The following AFF1 variants were observed in gnomAD, a reference collection of about 807,000 sequenced individuals.
The protein encoded by AFF1 is AF4/FMR2 family member 1.
In AFF1, 48 loss-of-function variants were observed where a neutral mutation model predicts 121.7. The observed-to-expected ratio is 0.39, with a 90% CI of 0.31 to 0.50. The LOEUF is 0.50. Among genes scored for constraint, AFF1 ranks in the 20% least tolerant of loss-of-function variants. The pLI is 0.76. For missense variants in AFF1, 1,523 were observed against 1,511.7 expected (o/e 1.01, Z -0.12); for synonymous variants, 613 against 563.0 (o/e 1.09, Z -1.26).
intron 2 of AFF1, among the ~76,000 whole-genome samples, chr4:86,999,240 T>C (rs1285454765): frequency 6.6e-6 from 1 of 152,224 alleles, no homozygotes; most frequent in Admixed American, 6.5e-5. Context: ...GTTAGCCAAG[T>C]CCCTCCTGAT....
At chr4:87,018,528 T>A (rs543265243) in intron 2 of AFF1, among the ~76,000 whole-genome samples, 3 of 152,158 alleles carry the variant, frequency 2.0e-5, no homozygotes, top group African/African-American at 4.8e-5. Flanking sequence ...AAGGATGGCT[T>A]TTTTTGAGAC....
chr4:86,981,264 A>G (rs1452146378), intron 2 of AFF1, among the ~76,000 whole-genome samples: 1 of 152,142 alleles, frequency 6.6e-6, no homozygotes, highest in East Asian at 1.9e-4. Flanking sequence ...TGCCTGCCTC[A>G]GCCTCCCAAA....
rs374056339 is a variant in AFF1 at position 87,083,199 on chromosome 4, C to T, written c.1060-921C>T. 2.6e-5 allele frequency among the ~76,000 whole-genome samples: 4 copies of T among 152,254 alleles called. No individual in the cohort carries two copies. The East Asian group carries it at 7.7e-4, about 29-fold the overall frequency. Reference sequence around the variant, plus strand: ...TATGTAGACTGTAAAATGTCATTCCCTAGGCACTGTCTGGTGGTGATACCA... The same window carrying T: ...TATGTAGACTGTAAAATGTCATTCCTTAGGCACTGTCTGGTGGTGATACCA... On this transcript the variant is annotated intron_variant, in intron 4 of 20. Transcript: ENST00000395146.
intron 4 of AFF1, among the ~76,000 whole-genome samples, chr4:87,079,053 T>C (rs1390794917): frequency 1.3e-5 from 2 of 152,170 alleles, no homozygotes; most frequent in East Asian, 1.9e-4. Context: ...ATGAATCTTA[T>C]CCAAGATTCA....
intron 2 of AFF1, among the ~76,000 whole-genome samples, chr4:86,987,345 C>T (rs72876101): frequency 5.1e-4 from 78 of 152,232 alleles, no homozygotes; most frequent in Middle Eastern, 6.8e-3. Context: ...TCAGGGCTCA[C>T]GCTGGATGAC....
rs765047252 is a variant in AFF1, at chr4:87,132,279, G to T, written c.3182G>T (p.Cys1061Phe). ...TCTGTCTTTGTTCATAGCATGCGTTGCCAGTCCATTTTGAACATGGCGATG... is the reference window on the plus strand; with the variant it reads ...TCTGTCTTTGTTCATAGCATGCGTTTCCAGTCCATTTTGAACATGGCGATG... ...EKIFAVLCMRCQSILNMAMFR... is the reference protein window; with the variant it reads ...EKIFAVLCMRFQSILNMAMFR... Residue 1061 changes from cysteine (C) to phenylalanine (F), a missense_variant, in exon 19 of 21, where the codon TGC becomes TTC. By Grantham distance (205) the Cys-to-Phe change is radical. Transcript: ENST00000395146. 1 of 1,612,238 alleles carries T rather than the reference G, an allele frequency of 6.2e-7. No individual in the cohort carries two copies. Among genetic ancestry groups the T allele is most frequent in the South Asian group, 1.1e-5 (1 of 90,622 alleles).
chr4:86,979,610 G>A (rs897687684), intron 2 of AFF1, among the ~76,000 whole-genome samples: 1 of 152,112 alleles, frequency 6.6e-6, no homozygotes, highest in Admixed American at 6.6e-5. Flanking sequence ...AAACCTGTCA[G>A]AACAGCTACA....
chr4:86,966,039 G>A (rs1412061806), intron 2 of AFF1, among the ~76,000 whole-genome samples: 1 of 151,550 alleles, frequency 6.6e-6, no homozygotes, highest in Non-Finnish European at 1.5e-5. Flanking sequence ...CTTCCCCAGG[G>A]TGGTAGTTAG....
At chr4:87,073,908 A>G (rs1200544294) in intron 4 of AFF1, among the ~76,000 whole-genome samples, 1 of 152,182 alleles carries the variant, frequency 6.6e-6, no homozygotes, top group Admixed American at 6.5e-5. Context: ...AAGTAATTTA[A>G]TAGTGTTTTG....
intron 2 of AFF1, among the ~76,000 whole-genome samples, chr4:87,033,418 G>T (rs936720808): frequency 6.6e-6 from 1 of 152,212 alleles, no homozygotes; most frequent in South Asian, 2.1e-4. Flanking sequence ...GAATGTGTGC[G>T]TTAGAAGTTC....
rs565192767 is a variant in AFF1, at chr4:87,062,387, G to C, written c.1059+14793G>C. 4.6e-3 allele frequency among the ~76,000 whole-genome samples: 698 copies of C among 152,196 alleles called. 5 individuals are homozygous for C. Among genetic ancestry groups the C allele is most frequent in the Non-Finnish European group, 5.5e-3 (377 of 68,004 alleles). ...GGCACTGATCCCATCCATGAGGGCA[G>C]CGAGCCCTCATGACCTAAGCACCTC... On this transcript the variant is annotated intron_variant, in intron 4 of 20. Transcript: ENST00000395146.
At chr4:86,948,862 T>A (rs1219372015) in intron 2 of AFF1, among the ~76,000 whole-genome samples, 2 of 152,154 alleles carry the variant, frequency 1.3e-5, no homozygotes, top group Non-Finnish European at 2.9e-5. Context: ...ATAACAAGAT[T>A]GCACTGATTT....
At chr4:87,104,618 G>T (rs1429163863) in intron 8 of AFF1, among the ~76,000 whole-genome samples, 1 of 152,114 alleles carries the variant, frequency 6.6e-6, no homozygotes, top group Admixed American at 6.5e-5. Context: ...ATTTTTACCA[G>T]GATTTCCAAA....
chr4:87,073,464 G>A (rs2869641), intron 4 of AFF1, among the ~76,000 whole-genome samples: 4,908 of 152,080 alleles, frequency 0.032, 305 homozygotes, highest in African/African-American at 0.11. Flanking sequence ...TATGCCTCTA[G>A]CCTACCACTT....
At chr4:87,011,917 A>G (rs1208580476) in intron 2 of AFF1, among the ~76,000 whole-genome samples, 1 of 152,214 alleles carries the variant, frequency 6.6e-6, no homozygotes, top group Non-Finnish European at 1.5e-5. Flanking sequence ...ATTTTGCTGG[A>G]TTTTATACCA....
chr4:86,991,671 G>GTT (rs111715720), intron 2 of AFF1, among the ~76,000 whole-genome samples: 4 of 150,442 alleles, frequency 2.7e-5, no homozygotes, highest in African/African-American at 9.8e-5. Context: ...TTTTTACTAC[G>GTT]TTTTTTTTTA....
intron 2 of AFF1, among the ~76,000 whole-genome samples, chr4:86,952,493 G>C (rs537666171): frequency 6.6e-6 from 1 of 152,210 alleles, no homozygotes; most frequent in Admixed American, 6.5e-5. Flanking sequence ...TGATTAAAAA[G>C]ATGTTTTAGC....
chr4:86,959,338 ATG>A (rs1357406633), intron 2 of AFF1, among the ~76,000 whole-genome samples: 6 of 152,212 alleles, frequency 3.9e-5, no homozygotes, highest in Non-Finnish European at 8.8e-5. Flanking sequence ...ACTTTAAAAA[ATG>A]TGTGTTATTT....
chr4:87,101,590 A>AAG lies in AFF1; in HGVS notation c.1284-4037_1284-4036insGA, dbSNP rs529307119. ...TGAGACCTTGTCTGAAAAAGAAAAA[A>AAG]AAAAATCCTGGGATTCTGGATGTGC... is the stretch of plus-strand genomic sequence containing the variant. On this transcript the variant is annotated intron_variant, in intron 8 of 20. Coordinates refer to ENST00000395146, the MANE Select transcript of AFF1 (RefSeq NM_001166693.3). 6.9e-3 allele frequency among the ~76,000 whole-genome samples: 1,053 copies of AAG among 151,562 alleles called. 7 individuals are homozygous for AAG. The highest frequency in any genetic ancestry group is 7.3e-3 in the Non-Finnish European group (493 of 67,800).
Sources: allele counts gnomAD v4.1 joint callset (sites outside exome capture counted in the v4.1 genomes callset), GRCh38; gene constraint gnomAD v4.1.1; transcripts MANE v1.5; gene names NCBI Gene and HGNC (gene_info 2026-07-23, HGNC 2026-07-21).